Variants in INVS observed in about 807,000 individuals in gnomAD.
INVS encodes the protein inversin.
In INVS, 86 loss-of-function variants were observed where a neutral mutation model predicts 108.8. The ratio of observed to expected loss-of-function variants is 0.79; its 90% CI spans 0.66 to 0.95. INVS has a LOEUF of 0.95. Among genes scored for constraint, INVS ranks in the 40% least tolerant of loss-of-function variants. The pLI, the probability that INVS is intolerant of heterozygous loss-of-function variation, is 0.00. For synonymous variants in INVS, 455 were observed against 473.5 expected (o/e 0.96, Z 0.51); for missense variants, 1,169 against 1,297.4 (o/e 0.90, Z 1.52).
chr9:100,133,990 C>A (rs1266172787), intron 3 of INVS, among the ~76,000 whole-genome samples: 1 of 152,112 alleles, frequency 6.6e-6, no homozygotes, highest in African/African-American at 2.4e-5. Context: ...TATTTGGTTA[C>A]ATGAGTAAGT....
intron 10 of INVS, among the ~76,000 whole-genome samples, chr9:100,258,002 T>C (rs1292073459): frequency 6.6e-6 from 1 of 152,212 alleles, no homozygotes; most frequent in East Asian, 1.9e-4. Flanking sequence ...CTGAACAGTG[T>C]TTTCCAACTT....
At chr9:100,249,259 A>G (rs1832145114) in intron 8 of INVS, among the ~76,000 whole-genome samples, 2 of 152,178 alleles carry the variant, frequency 1.3e-5, no homozygotes, top group Non-Finnish European at 2.9e-5. Flanking sequence ...GTACCTCTAT[A>G]GAAAGCTGTT....
chr9:100,157,243 A>C (rs1380482548), intron 3 of INVS, among the ~76,000 whole-genome samples: 1 of 150,176 alleles, frequency 6.7e-6, no homozygotes, highest in Non-Finnish European at 1.5e-5. Flanking sequence ...AAATTTAAAG[A>C]AATAGTAAAA....
chr9:100,117,313 CA>C, intron 2 of INVS: 1 of 730,456 alleles, frequency 1.4e-6, no homozygotes, highest in South Asian at 1.4e-5. Context: ...GCGTAACCTT[CA>C]AAATCTCGTC....
At chr9:100,165,132 A>G (rs951891848) in intron 3 of INVS, among the ~76,000 whole-genome samples, 1 of 151,558 alleles carries the variant, frequency 6.6e-6, no homozygotes, top group Non-Finnish European at 1.5e-5. Context: ...GGTATTTAGT[A>G]GGTATATGTA....
At chr9:100,246,490 AT>A (rs1483861266) in intron 7 of INVS, 125 bp from the exon 8 acceptor site, 1 of 676,068 alleles carries the variant, frequency 1.5e-6, no homozygotes, top group Non-Finnish European at 2.6e-6. Flanking sequence ...AGATAATTTA[AT>A]TTGATTCAAA....
chr9:100,147,765 T>C (rs1269426756), intron 3 of INVS, among the ~76,000 whole-genome samples: 1 of 152,066 alleles, frequency 6.6e-6, no homozygotes, highest in Admixed American at 6.6e-5. Context: ...TAGGGAACTG[T>C]GAAAAGAATG....
intron 3 of INVS, chr9:100,175,568 C>A: frequency 1.4e-6 from 1 of 718,364 alleles, no homozygotes; most frequent in East Asian, 2.6e-5. Flanking sequence ...AGACTTGGTT[C>A]CAGAACCAGA....
At chr9:100,122,928 T>G (rs1827774639) in intron 2 of INVS, among the ~76,000 whole-genome samples, 1 of 152,214 alleles carries the variant, frequency 6.6e-6, no homozygotes, top group Admixed American at 6.5e-5. Context: ...TTGATGTATT[T>G]ACATCATTTA....
chr9:100,133,729 A>C (rs1174811398), intron 3 of INVS, among the ~76,000 whole-genome samples: 1 of 141,672 alleles, frequency 7.1e-6, no homozygotes, highest in Non-Finnish European at 1.5e-5. Flanking sequence ...TGGTACATTC[A>C]CTCTCGCAAA....
At chr9:100,119,056 C>T (rs1185644181) in intron 2 of INVS, among the ~76,000 whole-genome samples, 1 of 152,240 alleles carries the variant, frequency 6.6e-6, no homozygotes, top group African/African-American at 2.4e-5. Context: ...TATTTACATA[C>T]TCTCAAATCT....
chr9:100,279,477 A>G (rs1487113781), intron 12 of INVS, among the ~76,000 whole-genome samples: 1 of 152,158 alleles, frequency 6.6e-6, no homozygotes, highest in Non-Finnish European at 1.5e-5. Flanking sequence ...ATTCGTTGTT[A>G]AGAGAGTGGT....
At chr9:100,185,917 A>AT (rs1416970003) in intron 3 of INVS, among the ~76,000 whole-genome samples, 1 of 152,046 alleles carries the variant, frequency 6.6e-6, no homozygotes, top group Non-Finnish European at 1.5e-5. Flanking sequence ...CATTGTATAT[A>AT]TGTTCCACAT....
At chr9:100,282,301 T>A (rs938902132) in intron 12 of INVS, among the ~76,000 whole-genome samples, 4 of 152,128 alleles carry the variant, frequency 2.6e-5, no homozygotes, top group Non-Finnish European at 5.9e-5. Context: ...CCGGCTGGCC[T>A]GTAGACCACA....
intron 3 of INVS, among the ~76,000 whole-genome samples, chr9:100,146,277 A>G (rs2118965885): frequency 6.8e-6 from 1 of 147,638 alleles, no homozygotes; most frequent in Middle Eastern, 3.4e-3. Flanking sequence ...GGAAAATTAC[A>G]GTCAAAGGGG....
intron 3 of INVS, among the ~76,000 whole-genome samples, chr9:100,206,493 C>T (rs1460190197): frequency 6.6e-6 from 1 of 151,902 alleles, no homozygotes; most frequent in African/African-American, 2.4e-5. Context: ...GTGCTTTATC[C>T]TTCTCTCTAC....
At chr9:100,154,885 G>C (rs1393610687) in intron 3 of INVS, among the ~76,000 whole-genome samples, 3 of 152,178 alleles carry the variant, frequency 2.0e-5, no homozygotes, top group Admixed American at 2.0e-4. Context: ...TTTGATTTTG[G>C]AACTTCGTAA....
At chr9:100,206,117 T>A (rs1196843741) in intron 3 of INVS, among the ~76,000 whole-genome samples, 1 of 152,170 alleles carries the variant, frequency 6.6e-6, no homozygotes, top group Admixed American at 6.5e-5. Flanking sequence ...TACTTCTGGT[T>A]TTCACAACAA....
At chr9:100,299,108 A>G (rs1048155037) in intron 16 of INVS, among the ~76,000 whole-genome samples, 1 of 152,246 alleles carries the variant, frequency 6.6e-6, no homozygotes, top group Non-Finnish European at 1.5e-5. Flanking sequence ...TAAGAGACTC[A>G]GAAGGGACAG....
Sources: gnomAD v4.1 joint callset for allele counts (sites outside exome capture counted in the v4.1 genomes callset) on GRCh38, gnomAD v4.1.1 for gene constraint, MANE v1.5 for transcripts, NCBI Gene and HGNC (gene_info 2026-07-23, HGNC 2026-07-21) for gene names.